Variants in TMTC1 observed in about 807,000 individuals in gnomAD.
The protein encoded by TMTC1 is protein O-mannosyl-transferase TMTC1.
Under a neutral mutation model 104.8 loss-of-function variants are expected in TMTC1, and 73 were observed. The observed-to-expected ratio is 0.70, with a 90% CI of 0.58 to 0.85. The LOEUF (loss-of-function observed/expected upper bound fraction) is 0.85, where lower values mean the gene tolerates loss of function less well. Among genes scored for constraint, TMTC1 ranks in the 40% least tolerant of loss-of-function variants. The pLI, the probability that TMTC1 is intolerant of heterozygous loss-of-function variation, is 0.00. For synonymous variants in TMTC1, 434 were observed against 428.7 expected (o/e 1.01, Z -0.15); for missense variants, 1,035 against 1,096.1 (o/e 0.94, Z 0.79).
chr12:29,506,867 A>T lies in TMTC1; in HGVS notation c.2628T>A (p.Val876=). 3.7e-6 allele frequency: 6 copies of T among 1,614,098 alleles called. No individual in the cohort carries two copies. Among genetic ancestry groups the T allele is most frequent in the Non-Finnish European group, 5.1e-6 (6 of 1,179,970 alleles). ...LDRLEKRLQE[V]REKDQT Reference sequence around the variant, plus strand: ...GGTGCTATGTTTGATCCTTTTCTCGAACTTCTTGTAATCGTTTTTCTAGGC... The same window carrying T: ...GGTGCTATGTTTGATCCTTTTCTCGTACTTCTTGTAATCGTTTTTCTAGGC... The change falls in exon 18 of 18, where the codon GTT becomes GTA. Residue 876 remains valine, a synonymous_variant. Transcript: ENST00000539277.
Position 29,712,101 on chromosome 12 carries a change from C to T in TMTC1, c.938+39565G>A, listed in dbSNP as rs1181509533. 2.0e-5 allele frequency among the ~76,000 whole-genome samples: 3 copies of T among 151,628 alleles called. No individual in the cohort carries two copies. In the East Asian group the frequency reaches 5.8e-4, roughly 29 times the overall value. On this transcript the variant is annotated intron_variant, in intron 5 of 17. Coordinates refer to ENST00000539277, the MANE Select transcript of TMTC1 (RefSeq NM_001193451.2). ...CATCAGGGGACACTGCTCTCCAGCT[C>T]TCCAATATAACGCAAACTTCCCCTC... is the stretch of plus-strand genomic sequence containing the variant.
chr12:29,577,807 C>T (rs1259582541), intron 8 of TMTC1, among the ~76,000 whole-genome samples: 1 of 152,052 alleles, frequency 6.6e-6, no homozygotes, highest in Admixed American at 6.6e-5. Context: ...TAAAAAGCAA[C>T]TAAAATGTAT....
intron 8 of TMTC1, among the ~76,000 whole-genome samples, chr12:29,582,806 T>C (rs1370825057): frequency 1.3e-5 from 2 of 152,146 alleles, no homozygotes; most frequent in Non-Finnish European, 2.9e-5. Context: ...AGGCCCAGAC[T>C]GGGGATTCCT....
chr12:29,732,211 C>T (rs778510823), intron 5 of TMTC1, among the ~76,000 whole-genome samples: 3 of 152,040 alleles, frequency 2.0e-5, no homozygotes, highest in Non-Finnish European at 2.9e-5. Flanking sequence ...CAGGATAAGG[C>T]GATACCAGAC....
chr12:29,695,456 G>A (rs181760647), intron 5 of TMTC1, among the ~76,000 whole-genome samples: 3 of 151,984 alleles, frequency 2.0e-5, no homozygotes, highest in East Asian at 3.9e-4. Flanking sequence ...ACAGACACAC[G>A]CCACCACATC....
intron 5 of TMTC1, among the ~76,000 whole-genome samples, chr12:29,718,113 C>T (rs1432819710): frequency 2.0e-5 from 3 of 152,030 alleles, no homozygotes; most frequent in East Asian, 3.9e-4. Context: ...AACAAACAAA[C>T]AAACAAAAAA....
chr12:29,643,458 G>T (rs562877043), intron 5 of TMTC1, among the ~76,000 whole-genome samples: 4 of 85,948 alleles, frequency 4.7e-5, no homozygotes, highest in African/African-American at 1.7e-4. Context: ...ACATATATAT[G>T]ATGGAATATA....
At chr12:29,641,401 C>T (rs1272329455) in intron 5 of TMTC1, among the ~76,000 whole-genome samples, 1 of 152,170 alleles carries the variant, frequency 6.6e-6, no homozygotes, top group African/African-American at 2.4e-5. Context: ...GACCCATAGA[C>T]GGTTCATATC....
At chr12:29,696,945 T>G (rs1941441081) in intron 5 of TMTC1, among the ~76,000 whole-genome samples, 1 of 152,184 alleles carries the variant, frequency 6.6e-6, no homozygotes, top group African/African-American at 2.4e-5. Flanking sequence ...GGATATAAAA[T>G]ATTTTGAAAA....
Position 29,563,793 on chromosome 12 carries a change from A to T in TMTC1, c.1533-6793T>A, listed in dbSNP as rs1170433168. ...AGACCGTTTGCTAAGGGCACACAGC[A>T]TTAAAGAGAAAGCTGTCCTTGCCCT... is the stretch of plus-strand genomic sequence containing the variant. On this transcript the variant is annotated intron_variant, in intron 9 of 17. Coordinates refer to ENST00000539277, the MANE Select transcript of TMTC1 (RefSeq NM_001193451.2). 5.9e-5 allele frequency among the ~76,000 whole-genome samples: 9 copies of T among 152,210 alleles called. No individual in the cohort carries two copies. The East Asian group carries it at 1.5e-3, about 26-fold the overall frequency.
intron 6 of TMTC1, among the ~76,000 whole-genome samples, chr12:29,624,188 C>G (rs1468041981): frequency 6.6e-6 from 1 of 152,036 alleles, no homozygotes; most frequent in Admixed American, 6.6e-5. Context: ...CCATATTGGC[C>G]AGGCTGGCTT....
In TMTC1 at chr12:29,703,006, C is replaced by T. The variant is rs1006957760; in HGVS notation, c.938+48660G>A. On this transcript the variant is annotated intron_variant, in intron 5 of 17. Coordinates refer to ENST00000539277, the MANE Select transcript of TMTC1 (RefSeq NM_001193451.2). The stretch of plus-strand genomic sequence containing the variant: ...CTAAAATATAAAAATTAGTTAGGCA[C>T]GGTGGCGCGTGCCTATAATCCCAGC... Among the ~76,000 whole-genome samples, 13 of 151,862 alleles carry T rather than the reference C, an allele frequency of 8.6e-5. No individual in the cohort carries two copies. The East Asian group carries it at 1.2e-3, about 14-fold the overall frequency.
At chr12:29,544,843 C>T (rs981080488) in intron 10 of TMTC1, among the ~76,000 whole-genome samples, 2 of 152,152 alleles carry the variant, frequency 1.3e-5, no homozygotes, top group African/African-American at 2.4e-5. Flanking sequence ...CAGTTTAATG[C>T]GTGTTCCTGG....
chr12:29,570,879 A>ACCC (rs1491187527), intron 9 of TMTC1, among the ~76,000 whole-genome samples: 173 of 120,156 alleles, frequency 1.4e-3, no homozygotes, highest in African/African-American at 1.7e-3. Context: ...AAAAACAGAA[A>ACCC]CACCCCCCCC....
At chr12:29,691,052 C>A (rs540826647) in intron 5 of TMTC1, among the ~76,000 whole-genome samples, 1 of 152,180 alleles carries the variant, frequency 6.6e-6, no homozygotes, top group Non-Finnish European at 1.5e-5. Flanking sequence ...CCAAAAAGAT[C>A]CCCTTCTTGC....
chr12:29,644,147 G>GTATA (rs1440433295), intron 5 of TMTC1, among the ~76,000 whole-genome samples: 32 of 61,534 alleles, frequency 5.2e-4, no homozygotes, highest in African/African-American at 2.0e-3. Context: ...GTGTGTGTGT[G>GTATA]TGTATATATA....
chr12:29,579,232 T>C (rs1181949274), intron 8 of TMTC1, among the ~76,000 whole-genome samples: 2 of 152,212 alleles, frequency 1.3e-5, no homozygotes, highest in African/African-American at 4.8e-5. Flanking sequence ...GTATATATGA[T>C]TGGCAAGCAA....
chr12:29,533,688 G>A (rs1044958583), intron 11 of TMTC1: 4 of 152,060 alleles, frequency 2.6e-5, no homozygotes, highest in Admixed American at 2.0e-4. Context: ...TTTTAAAATC[G>A]AAAACACAAA....
chr12:29,690,860 T>C (rs2136755302), intron 5 of TMTC1, among the ~76,000 whole-genome samples: 1 of 152,362 alleles, frequency 6.6e-6, no homozygotes, highest in Non-Finnish European at 1.5e-5. Context: ...GTGATGAAAC[T>C]GCCTTTGCAA....
Sources: allele counts gnomAD v4.1 joint callset (sites outside exome capture counted in the v4.1 genomes callset), GRCh38; gene constraint gnomAD v4.1.1; transcripts MANE v1.5; gene names NCBI Gene and HGNC (gene_info 2026-07-23, HGNC 2026-07-21).